The following FAM168B variants were observed in gnomAD, a reference collection of about 807,000 sequenced individuals.
The protein encoded by FAM168B is family with sequence similarity 168 member B.
A neutral mutation model predicts 21.8 loss-of-function variants in FAM168B; 19 were observed. The observed-to-expected ratio is 0.87, with a 90% CI of 0.61 to 1.28. The LOEUF is 1.28. Among genes scored for constraint, FAM168B ranks in the 50% most tolerant of loss-of-function variants. FAM168B has a pLI of 0.00. For missense variants in FAM168B, 233 were observed against 263.1 expected (o/e 0.89, Z 0.79); for synonymous variants, 126 against 104.8 (o/e 1.20, Z -1.24).
intron 3 of FAM168B, among the ~76,000 whole-genome samples, chr2:131,070,843 T>C (rs1302813953): frequency 6.6e-6 from 1 of 152,210 alleles, no homozygotes; most frequent in Non-Finnish European, 1.5e-5. Context: ...AGCTAGGGAC[T>C]GAAAGTCGAG....
chr2:131,054,082 G>A (rs1016580775), intron 5 of FAM168B, among the ~76,000 whole-genome samples: 2 of 151,648 alleles, frequency 1.3e-5, no homozygotes, highest in African/African-American at 4.9e-5. Flanking sequence ...GGTGGCAGGC[G>A]CCTGTAGTCC....
intron 3 of FAM168B, among the ~76,000 whole-genome samples, chr2:131,064,917 A>G (rs970958463): frequency 6.6e-6 from 1 of 152,216 alleles, no homozygotes; most frequent in African/African-American, 2.4e-5. Context: ...AATTAATGCT[A>G]TGGTCACAGA....
chr2:131,083,039 G>A (rs1436309515), intron 1 of FAM168B, among the ~76,000 whole-genome samples: 4 of 152,106 alleles, frequency 2.6e-5, no homozygotes, highest in Admixed American at 2.0e-4. Context: ...TGGCCAACAT[G>A]GTGAAACCCC....
chr2:131,081,981 C>T (rs936520604), intron 2 of FAM168B, among the ~76,000 whole-genome samples: 1 of 152,184 alleles, frequency 6.6e-6, no homozygotes, highest in Non-Finnish European at 1.5e-5. Flanking sequence ...ACTCCTTGTG[C>T]AAAGTCACCG....
At chr2:131,069,276 T>C (rs140413315) in intron 3 of FAM168B, among the ~76,000 whole-genome samples, 3 of 152,362 alleles carry the variant, frequency 2.0e-5, no homozygotes, top group East Asian at 1.9e-4. Flanking sequence ...CTGAAAATCC[T>C]AGAAGAGTAA....
rs1320810417 is a variant in FAM168B, at chr2:131,049,034, A to G, written c.*3431T>C. On this transcript the variant is annotated 3_prime_UTR_variant, in exon 7 of 7. Transcript: ENST00000389915. ...GGTCTCCTTTTTTAAAGCAGACACC[A>G]ATACTTACATAACTAGTACATGTTG... 19 of 985,362 alleles carry G rather than the reference A, an allele frequency of 1.9e-5. No individual in the cohort carries two copies. The highest frequency in any genetic ancestry group is 2.3e-5 in the Non-Finnish European group (19 of 829,950). 61.0% of individuals were successfully genotyped at this position (985,362 alleles called of 1,614,324 possible).
intron 2 of FAM168B, among the ~76,000 whole-genome samples, chr2:131,074,696 G>C (rs1286678585): frequency 6.6e-6 from 1 of 152,176 alleles, no homozygotes; most frequent in African/African-American, 2.4e-5. Flanking sequence ...AGTAACCAAA[G>C]CAAGGAAGCC....
chr2:131,086,163 A>G (rs1459020844), intron 1 of FAM168B, among the ~76,000 whole-genome samples: 1 of 152,174 alleles, frequency 6.6e-6, no homozygotes, highest in Non-Finnish European at 1.5e-5. Context: ...CAACCAAGAA[A>G]TTGTGGGGGT....
chr2:131,085,598 T>C (rs1170696216), intron 1 of FAM168B, among the ~76,000 whole-genome samples: 1 of 152,228 alleles, frequency 6.6e-6, no homozygotes, highest in African/African-American at 2.4e-5. Flanking sequence ...AGCAATCCTG[T>C]AGTAAGAAGA....
chr2:131,066,427 G>A lies in FAM168B; in HGVS notation c.154+5428C>T, dbSNP rs527609044. On this transcript the variant is annotated intron_variant, in intron 3 of 6. Transcript: ENST00000389915. ...CCTGACCTCGTGATCCGTCCGCCTC[G>A]GCCTCCCAAAGTGCTGGGATTACAG... is the stretch of plus-strand genomic sequence containing the variant. 4.6e-5 allele frequency among the ~76,000 whole-genome samples: 7 copies of A among 152,206 alleles called. No homozygotes were observed. The East Asian group carries it at 1.2e-3, about 25-fold the overall frequency.
intron 3 of FAM168B, 73 bp downstream of exon 3, chr2:131,071,782 C>T: frequency 7.7e-7 from 1 of 1,291,768 alleles, no homozygotes. Flanking sequence ...CTATACCCAC[C>T]CCTCTCAAAA....
At position 131,074,813 on chromosome 2, in the gene FAM168B, G is replaced by C. The variant is rs77722977; in HGVS notation, c.71-2875C>G. ...TACAGCTCCTCACGTGCCTCCCTTC[G>C]GCCCCCTCAGCCTGGATCCCTTGCT... On this transcript the variant is annotated intron_variant, in intron 2 of 6. Transcript: ENST00000389915. Among the ~76,000 whole-genome samples, 1,193 of 152,126 alleles carry C rather than the reference G, an allele frequency of 7.8e-3. 17 individuals carry two copies. The highest frequency in any genetic ancestry group is 0.028 in the African/African-American group (1,150 of 41,476).
chr2:131,076,889 G>C (rs1558981949), intron 2 of FAM168B, among the ~76,000 whole-genome samples: 1 of 145,684 alleles, frequency 6.9e-6, no homozygotes, highest in African/African-American at 2.6e-5. Context: ...CTACAACTAC[G>C]CTGACTAACT....
intron 3 of FAM168B, among the ~76,000 whole-genome samples, chr2:131,061,160 T>A (rs564491336): frequency 2.4e-4 from 34 of 140,958 alleles, no homozygotes; most frequent in African/African-American, 8.4e-4. Flanking sequence ...CCAATTTTTT[T>A]AATAAGGTGG....
chr2:131,055,508 G>A, intron 4 of FAM168B, 45 bp downstream of exon 4: 1 of 1,599,754 alleles, frequency 6.3e-7, no homozygotes, highest in Non-Finnish European at 8.5e-7. Context: ...TGAACGCCCA[G>A]GTGGTATCAC....
At chr2:131,065,099 C>T (rs1692489471) in intron 3 of FAM168B, among the ~76,000 whole-genome samples, 1 of 152,100 alleles carries the variant, frequency 6.6e-6, no homozygotes, top group South Asian at 2.1e-4. Context: ...GTCGGGGCAG[C>T]AAAGTGAGAA....
intron 3 of FAM168B, among the ~76,000 whole-genome samples, chr2:131,064,672 C>T (rs1692467041): frequency 6.6e-6 from 1 of 152,018 alleles, no homozygotes; most frequent in Non-Finnish European, 1.5e-5. Context: ...GAAGAAAATC[C>T]CCCGCCAAAA....
chr2:131,062,459 T>C (rs1692351639), intron 3 of FAM168B, among the ~76,000 whole-genome samples: 1 of 152,118 alleles, frequency 6.6e-6, no homozygotes, highest in African/African-American at 2.4e-5. Context: ...TTTTTTGTTT[T>C]TGTTTTGAGA....
At chr2:131,060,615 G>A (rs1340877925) in intron 3 of FAM168B, among the ~76,000 whole-genome samples, 1 of 152,140 alleles carries the variant, frequency 6.6e-6, no homozygotes, top group Non-Finnish European at 1.5e-5. Flanking sequence ...TTTAAAATTA[G>A]AGACCTGCTG....
Sources: allele counts gnomAD v4.1 joint callset (sites outside exome capture counted in the v4.1 genomes callset), GRCh38; gene constraint gnomAD v4.1.1; transcripts MANE v1.5; gene names NCBI Gene and HGNC (gene_info 2026-07-23, HGNC 2026-07-21).